Variants in SYBU observed in about 807,000 individuals in gnomAD.
SYBU encodes the protein syntabulin.
In SYBU, 21 loss-of-function variants were observed where a neutral mutation model predicts 35.9. The observed-to-expected ratio is 0.58, with a 90% confidence interval of 0.41 to 0.84. The LOEUF is 0.84. SYBU is among the 40% of genes least tolerant of loss of function. The probability of loss-of-function intolerance (pLI) is 0.00; values close to 1 mark genes in which losing one functional copy is unlikely to be tolerated. For synonymous variants in SYBU, 319 were observed against 324.3 expected (o/e 0.98, Z 0.18); for missense variants, 768 against 848.2 (o/e 0.91, Z 1.17).
At chr8:109,689,413 C>T (rs1408701200) in intron 1 of SYBU, among the ~76,000 whole-genome samples, 1 of 152,088 alleles carries the variant, frequency 6.6e-6, no homozygotes, top group Non-Finnish European at 1.5e-5. Context: ...CTCCCTGCAC[C>T]CTGGGCTCAA....
chr8:109,644,341 T>C (rs545833139), intron 1 of SYBU: 1 of 598,084 alleles, frequency 1.7e-6, no homozygotes, highest in African/African-American at 1.8e-5. Flanking sequence ...TTCATTCACA[T>C]CACACACACA....
intron 3 of SYBU, among the ~76,000 whole-genome samples, chr8:109,595,149 T>C (rs368850482): frequency 1.3e-4 from 20 of 152,256 alleles, no homozygotes; most frequent in African/African-American, 4.8e-4. Flanking sequence ...TCCCAAAACA[T>C]GTGAGGCCAA....
At position 109,575,294 on chromosome 8, in the gene SYBU, G is replaced by A; in HGVS notation, c.1604C>T (p.Ser535Phe). ...TAAATCAACCACTAAGGCAGAGAGG[G>A]ACTCTGGGAAGCTCTCCATCGAGTC... ...EPDSMESFPE[S>F]LSALVVDLTP... Residue 535 changes from serine to phenylalanine, a missense_variant, in exon 7 of 7, where the codon TCC becomes TTC. Ser to Phe is a radical substitution (Grantham distance 155). Coordinates refer to ENST00000276646, the MANE Select transcript of SYBU (RefSeq NM_001099754.2). The A allele has an allele frequency of 6.2e-7, 1 of 1,614,196 alleles. No individual in the cohort carries two copies. The highest frequency in any genetic ancestry group is 8.5e-7 in the Non-Finnish European group (1 of 1,180,014).
At chr8:109,665,997 C>A (rs978799598) in intron 1 of SYBU, among the ~76,000 whole-genome samples, 2 of 152,140 alleles carry the variant, frequency 1.3e-5, no homozygotes, top group African/African-American at 4.8e-5. Context: ...TACAACTTTT[C>A]TTTACTGAGA....
intron 1 of SYBU, among the ~76,000 whole-genome samples, chr8:109,649,998 C>G (rs971082102): frequency 2.0e-5 from 3 of 152,150 alleles, no homozygotes; most frequent in African/African-American, 7.2e-5. Context: ...AAGCCTAAAT[C>G]CAGTAGATGA....
intron 1 of SYBU, among the ~76,000 whole-genome samples, chr8:109,687,744 T>C (rs1587005514): frequency 6.6e-6 from 1 of 152,310 alleles, no homozygotes; most frequent in South Asian, 2.1e-4. Context: ...TGGACTTTGA[T>C]GAGGCATCTG....
chr8:109,587,882 T>C (rs941267437), intron 3 of SYBU, among the ~76,000 whole-genome samples: 2 of 152,202 alleles, frequency 1.3e-5, no homozygotes, highest in African/African-American at 4.8e-5. Context: ...GCAGAGACTT[T>C]GTCTAATGAT....
chr8:109,608,249 G>A (rs1033937976), intron 3 of SYBU, among the ~76,000 whole-genome samples: 1 of 152,172 alleles, frequency 6.6e-6, no homozygotes, highest in African/African-American at 2.4e-5. Context: ...TTGTCAAATA[G>A]AAGTAAATGC....
chr8:109,580,465 C>A, intron 4 of SYBU: 1 of 165,286 alleles, frequency 6.1e-6, no homozygotes, highest in Non-Finnish European at 1.3e-5. Flanking sequence ...AGGTGGTACC[C>A]CATACAGGAG....
In SYBU at chr8:109,642,862, G is replaced by GGCC. The variant is rs1231558453; in HGVS notation, c.92_94dup (p.Arg31dup). 1.2e-6 allele frequency: 2 copies of GGCC among 1,606,058 alleles called. No individual in the cohort carries two copies. The highest frequency in any genetic ancestry group is 1.3e-5 in the African/African-American group (1 of 74,536). On this transcript the variant is annotated inframe_insertion, in exon 2 of 7. Transcript: ENST00000276646. ...TTTGTGCTGTTGTTGGGGCATATGGGGCCGAAGAATCAACCGGGGAATTCG... is the reference window on the plus strand; with the variant it reads ...TTTGTGCTGTTGTTGGGGCATATGGGGCCGCCGAAGAATCAACCGGGGAATTCG...
chr8:109,597,690 G>A (rs1563702170), intron 3 of SYBU, among the ~76,000 whole-genome samples: 1 of 152,126 alleles, frequency 6.6e-6, no homozygotes, highest in Non-Finnish European at 1.5e-5. Context: ...CTCCAGCCTG[G>A]GTGACAGAGT....
At chr8:109,637,745 A>G (rs2130591244) in intron 2 of SYBU, among the ~76,000 whole-genome samples, 1 of 152,308 alleles carries the variant, frequency 6.6e-6, no homozygotes, top group South Asian at 2.1e-4. Context: ...AGCACAGGAG[A>G]AATATTTCTG....
chr8:109,577,829 G>T, intron 6 of SYBU, 39 bp downstream of exon 6: 1 of 1,527,004 alleles, frequency 6.5e-7, no homozygotes, highest in South Asian at 1.3e-5. Context: ...GGAGAAAGAA[G>T]TTGTCCTACA....
At chr8:109,607,853 C>CACAG in intron 3 of SYBU, 1 of 923,970 alleles carries the variant, frequency 1.1e-6, no homozygotes. Context: ...CACACACACA[C>CACAG]AGTCTAGCCT....
In SYBU at chr8:109,661,089, G is replaced by T. The variant is rs548543466; in HGVS notation, c.-129+19622C>A. 1.3e-4 allele frequency among the ~76,000 whole-genome samples: 20 copies of T among 152,306 alleles called. No individual in the cohort carries two copies. In the South Asian group the frequency reaches 3.5e-3, roughly 27 times the overall value. The stretch of plus-strand genomic sequence containing the variant: ...TCTAAAATTGTAAGGATTCAAATCT[G>T]GAAAGGCAAAGGCTGAATAGATTTT... On this transcript the variant is annotated intron_variant, in intron 1 of 5. Transcript: ENST00000408889.
At chr8:109,611,082 C>A (rs1012551625) in intron 3 of SYBU, among the ~76,000 whole-genome samples, 1 of 152,178 alleles carries the variant, frequency 6.6e-6, no homozygotes, top group Non-Finnish European at 1.5e-5. Flanking sequence ...AAAGAAGTTT[C>A]CAGGTTTATT....
intron 2 of SYBU, among the ~76,000 whole-genome samples, chr8:109,638,453 G>C (rs1814475372): frequency 6.6e-6 from 1 of 152,118 alleles, no homozygotes; most frequent in Non-Finnish European, 1.5e-5. Flanking sequence ...ATCACTTCTT[G>C]TGTTAAAAAC....
At chr8:109,622,818 G>T (rs1261366548) in intron 2 of SYBU, among the ~76,000 whole-genome samples, 1 of 151,938 alleles carries the variant, frequency 6.6e-6, no homozygotes, top group Non-Finnish European at 1.5e-5. Flanking sequence ...TGAGAAAACT[G>T]TTTCTGGGCA....
Position 109,625,712 on chromosome 8 carries a change from C to T in SYBU, c.230-6673G>A, listed in dbSNP as rs369367523. Among the ~76,000 whole-genome samples, 29 of 152,264 alleles carry T rather than the reference C, an allele frequency of 1.9e-4. No individual in the cohort carries two copies. In the East Asian group the frequency reaches 4.1e-3, roughly 21 times the overall value. On this transcript the variant is annotated intron_variant, in intron 2 of 6. Coordinates refer to ENST00000276646, the MANE Select transcript of SYBU (RefSeq NM_001099754.2). ...CTGGGATTACAGGTGTGAGTCACTG[C>T]GCCCAGCCAAACATAGGATTTTTAA...
Sources: allele counts gnomAD v4.1 joint callset (sites outside exome capture counted in the v4.1 genomes callset), GRCh38; gene constraint gnomAD v4.1.1; transcripts MANE v1.5; gene names NCBI Gene and HGNC (gene_info 2026-07-23, HGNC 2026-07-21).